PVT1: variants seen among roughly 807,000 people sequenced by gnomAD.
PVT1 encodes Pvt1 oncogene, also known as CXCR4/PVT1 fusion.
chr8:127,797,038 C>A (rs915485853), intron 2 of PVT1, among the ~76,000 whole-genome samples: 1 of 152,070 alleles, frequency 6.6e-6, no homozygotes, highest in Non-Finnish European at 1.5e-5. Flanking sequence ...ATCACCACAC[C>A]CAGCTAATTT....
At position 127,987,078 on chromosome 8, in the gene PVT1, A is replaced by G. The variant is rs192679768; in HGVS notation, n.783-2084A>G. ...TTCCACATCTGTAAAATGGGAAGAA[A>G]GGTTATGTGTCTCCTGATTTCTTGG... On this transcript the variant is annotated intron_variant and non_coding_transcript_variant, in intron 3 of 10. Coordinates refer to ENST00000651587, the Ensembl canonical transcript of PVT1. Among the ~76,000 whole-genome samples the G allele has an allele frequency of 5.5e-4, 84 of 152,246 alleles. No homozygotes were observed. The Middle Eastern group carries it at 0.014, about 25-fold the overall frequency.
chr8:127,802,769 C>T (rs988202103), intron 2 of PVT1, among the ~76,000 whole-genome samples: 2 of 152,138 alleles, frequency 1.3e-5, no homozygotes, highest in Non-Finnish European at 2.9e-5. Context: ...GAAACCGTTG[C>T]CATCTTCGGG....
At chr8:127,874,906 G>C (rs1216375155) in intron 2 of PVT1, among the ~76,000 whole-genome samples, 1 of 87,168 alleles carries the variant, frequency 1.1e-5, no homozygotes. Context: ...GCCTCCAGGT[G>C]TGTGTGTGTG....
chr8:127,911,593 T>C (rs1198441869), intron 3 of PVT1, among the ~76,000 whole-genome samples: 1 of 152,236 alleles, frequency 6.6e-6, no homozygotes, highest in Non-Finnish European at 1.5e-5. Flanking sequence ...AGCCTCTGTT[T>C]CTCATCCTCG....
chr8:127,946,082 A>G (rs1056813002), intron 3 of PVT1, among the ~76,000 whole-genome samples: 2 of 152,214 alleles, frequency 1.3e-5, no homozygotes, highest in Non-Finnish European at 2.9e-5. Context: ...TGGAGTGCAG[A>G]CCCAGGAAAA....
chr8:128,075,471 G>A (rs1009088892), intron 5 of PVT1, among the ~76,000 whole-genome samples: 3 of 151,560 alleles, frequency 2.0e-5, no homozygotes, highest in Admixed American at 1.3e-4. Context: ...CTTTTATTAC[G>A]TAAATATTAA....
chr8:127,911,972 G>A (rs1815904127), intron 3 of PVT1, among the ~76,000 whole-genome samples: 1 of 152,240 alleles, frequency 6.6e-6, no homozygotes. Flanking sequence ...GTGGCTCAGT[G>A]TGGGGAAGTT....
At chr8:127,800,830 G>A (rs1046668023) in intron 2 of PVT1, among the ~76,000 whole-genome samples, 1 of 152,216 alleles carries the variant, frequency 6.6e-6, no homozygotes, top group African/African-American at 2.4e-5. Context: ...ATAAGGAACA[G>A]CAGACATAAT....
intron 3 of PVT1, among the ~76,000 whole-genome samples, chr8:127,949,001 G>T (rs1026846403): frequency 6.6e-6 from 1 of 152,226 alleles, no homozygotes; most frequent in Non-Finnish European, 1.5e-5. Context: ...TTCATCGGAG[G>T]CTCACTGCGA....
At chr8:127,814,495 C>G (rs1036396646) in intron 2 of PVT1, among the ~76,000 whole-genome samples, 1 of 152,184 alleles carries the variant, frequency 6.6e-6, no homozygotes, top group Non-Finnish European at 1.5e-5. Context: ...TTATTTAGCT[C>G]CTGCTGCATG....
At chr8:127,908,440 C>T (rs772006613) in intron 3 of PVT1, among the ~76,000 whole-genome samples, 18 of 151,230 alleles carry the variant, frequency 1.2e-4, no homozygotes, top group African/African-American at 1.7e-4. Context: ...CTCCTGGGTT[C>T]AAGCGATTCT....
At chr8:127,984,841 C>CT (rs147685840) in intron 3 of PVT1, among the ~76,000 whole-genome samples, 3,377 of 14,488 alleles carry the variant, frequency 0.23, 144 homozygotes, top group Non-Finnish European at 0.28. Flanking sequence ...CTTTTCTTTT[C>CT]TTTCTTTCTT....
chr8:127,937,560 C>CACACACAA (rs1412319423), intron 3 of PVT1, among the ~76,000 whole-genome samples: 1 of 112,232 alleles, frequency 8.9e-6, no homozygotes, highest in African/African-American at 3.1e-5. Flanking sequence ...CACACACACA[C>CACACACAA]ACACACACAC....
chr8:128,032,531 A>G (rs1340169795), intron 4 of PVT1, among the ~76,000 whole-genome samples: 2 of 152,190 alleles, frequency 1.3e-5, no homozygotes, highest in East Asian at 1.9e-4. Flanking sequence ...TGCATATTAT[A>G]TTTCCATCAT....
At chr8:128,055,986 A>G (rs1479048404) in intron 4 of PVT1, among the ~76,000 whole-genome samples, 2 of 152,218 alleles carry the variant, frequency 1.3e-5, no homozygotes, top group Non-Finnish European at 2.9e-5. Context: ...GGGAGGACTC[A>G]TATCACTCAC....
intron 5 of PVT1, among the ~76,000 whole-genome samples, chr8:128,088,227 G>A: frequency 6.6e-6 from 1 of 152,148 alleles, no homozygotes; most frequent in East Asian, 1.9e-4. Context: ...GCCTTGTTTG[G>A]CAGAATGGTG....
intron 3 of PVT1, among the ~76,000 whole-genome samples, chr8:127,915,525 T>C (rs1166017067): frequency 6.6e-6 from 1 of 150,618 alleles, no homozygotes; most frequent in African/African-American, 2.5e-5. Context: ...GGCAGGAGAA[T>C]TGCTTGAATC....
At chr8:128,059,266 G>C in intron 4 of PVT1, among the ~76,000 whole-genome samples, 1 of 152,064 alleles carries the variant, frequency 6.6e-6, no homozygotes, top group East Asian at 1.9e-4. Context: ...TCAATACGCA[G>C]CTCAACACAG....
At chr8:127,991,309 C>CT (rs750722142) in intron 4 of PVT1, among the ~76,000 whole-genome samples, 2 of 151,494 alleles carry the variant, frequency 1.3e-5, no homozygotes, top group African/African-American at 4.8e-5. Flanking sequence ...CGCCTGGCTA[C>CT]TTTTTTTTGT....
Sources: allele counts gnomAD v4.1 joint callset (sites outside exome capture counted in the v4.1 genomes callset), GRCh38; gene constraint gnomAD v4.1.1; transcripts MANE v1.5; gene names NCBI Gene and HGNC (gene_info 2026-07-23, HGNC 2026-07-21).